RIMS2: variants seen among roughly 807,000 people sequenced by gnomAD.
RIMS2 encodes regulating synaptic membrane exocytosis 2.
A neutral mutation model predicts 174.4 loss-of-function variants in RIMS2; 59 were observed. The observed-to-expected ratio is 0.34, with a 90% confidence interval of 0.27 to 0.42. RIMS2 has a LOEUF of 0.42. Among genes scored for constraint, RIMS2 ranks in the 10% least tolerant of loss-of-function variants. RIMS2 has a pLI of 1.00. For synonymous variants in RIMS2, 606 were observed against 572.5 expected (o/e 1.06, Z -0.84); for missense variants, 1,620 against 1,666.3 (o/e 0.97, Z 0.48).
intron 1 of RIMS2, among the ~76,000 whole-genome samples, chr8:103,505,575 G>A (rs76615053): frequency 0.031 from 4,711 of 151,814 alleles, 220 homozygotes; most frequent in African/African-American, 0.11. Context: ...AAATATCTTC[G>A]TACATGCATT....
At chr8:103,579,012 G>A (rs990371705) in intron 1 of RIMS2, among the ~76,000 whole-genome samples, 4 of 151,686 alleles carry the variant, frequency 2.6e-5, no homozygotes, top group Non-Finnish European at 4.4e-5. Flanking sequence ...ATAGAATATT[G>A]TATTTAGCAA....
chr8:103,711,498 T>G (rs935271667), intron 2 of RIMS2, among the ~76,000 whole-genome samples: 4 of 152,176 alleles, frequency 2.6e-5, no homozygotes, highest in Non-Finnish European at 5.9e-5. Flanking sequence ...AAAGCCAGAT[T>G]TGATGGTTTA....
In RIMS2 at chr8:104,198,398, A is replaced by G. The variant is rs546723154; in HGVS notation, c.3335-46518A>G. Among the ~76,000 whole-genome samples, 3 of 152,330 alleles carry G rather than the reference A, an allele frequency of 2.0e-5. No homozygotes were observed. The East Asian group carries it at 5.8e-4, about 29-fold the overall frequency. On this transcript the variant is annotated intron_variant, in intron 19 of 23. Coordinates refer to ENST00000504942, the Ensembl canonical transcript of RIMS2. The stretch of plus-strand genomic sequence containing the variant: ...CAAAGTCTAGTTTTCAAGACATAAA[A>G]CAAGACAGAAGGAGAATCTTATTCT...
intron 19 of RIMS2, among the ~76,000 whole-genome samples, chr8:104,156,420 T>A (rs1025991611): frequency 2.0e-5 from 3 of 152,036 alleles, no homozygotes; most frequent in African/African-American, 4.8e-5. Flanking sequence ...CCTTAGAGAG[T>A]GCCCAGGAAA....
chr8:104,063,642 G>T (rs771604046), intron 19 of RIMS2, among the ~76,000 whole-genome samples: 74 of 152,242 alleles, frequency 4.9e-4, no homozygotes, highest in Non-Finnish European at 2.4e-4. Context: ...CCTGAAGTTT[G>T]GGGTTCTTTC....
intron 19 of RIMS2, among the ~76,000 whole-genome samples, chr8:104,033,636 G>A (rs1414405941): frequency 6.7e-6 from 1 of 150,206 alleles, no homozygotes; most frequent in African/African-American, 2.4e-5. Context: ...TTGTTTTGGC[G>A]ATTTTTTTTT....
chr8:103,919,377 A>T (rs889414512), intron 9 of RIMS2, among the ~76,000 whole-genome samples: 1 of 152,158 alleles, frequency 6.6e-6, no homozygotes, highest in Non-Finnish European at 1.5e-5. Context: ...GGTATGAATG[A>T]GGACAGAGGA....
intron 19 of RIMS2, among the ~76,000 whole-genome samples, chr8:104,099,913 G>A (rs575303888): frequency 6.6e-6 from 1 of 151,670 alleles, no homozygotes; most frequent in Non-Finnish European, 1.5e-5. Context: ...GTCTCCCCAG[G>A]CTCAGGTGAT....
At chr8:103,881,539 T>C (rs1054001349) in intron 3 of RIMS2, among the ~76,000 whole-genome samples, 6 of 151,562 alleles carry the variant, frequency 4.0e-5, no homozygotes, top group African/African-American at 1.4e-4. Flanking sequence ...TTTGGAGTTT[T>C]CCCATCAGTC....
chr8:103,804,593 G>T (rs2098637310), intron 3 of RIMS2, among the ~76,000 whole-genome samples: 2 of 152,160 alleles, frequency 1.3e-5, no homozygotes, highest in South Asian at 4.1e-4. Flanking sequence ...AAATGCAGTA[G>T]ATCCTTACTG....
chr8:103,531,943 G>C (rs1338211860), intron 1 of RIMS2, among the ~76,000 whole-genome samples: 1 of 152,130 alleles, frequency 6.6e-6, no homozygotes, highest in Non-Finnish European at 1.5e-5. Context: ...TAATTAGTTA[G>C]AAATGACACT....
intron 1 of RIMS2, among the ~76,000 whole-genome samples, chr8:103,513,650 G>C (rs1399344000): frequency 6.6e-6 from 1 of 152,102 alleles, no homozygotes; most frequent in African/African-American, 2.4e-5. Context: ...TTTTGGATTT[G>C]GGAATTGTGG....
chr8:103,906,883 C>T (rs1408596128), intron 4 of RIMS2, among the ~76,000 whole-genome samples: 1 of 152,114 alleles, frequency 6.6e-6, no homozygotes, highest in East Asian at 1.9e-4. Flanking sequence ...CAGGCATGGG[C>T]ATTAAGTATC....
intron 19 of RIMS2, among the ~76,000 whole-genome samples, chr8:104,092,129 A>G (rs2097670769): frequency 6.6e-6 from 1 of 151,794 alleles, no homozygotes. Context: ...TTTTGGGAGA[A>G]AACAATCAAC....
chr8:103,898,576 G>T (rs1265327611), intron 4 of RIMS2, among the ~76,000 whole-genome samples: 1 of 151,314 alleles, frequency 6.6e-6, no homozygotes, highest in Non-Finnish European at 1.5e-5. Context: ...TTTTTAGAGG[G>T]CAGACTGTTG....
intron 3 of RIMS2, among the ~76,000 whole-genome samples, chr8:103,796,829 C>T (rs1171632023): frequency 1.3e-5 from 2 of 152,090 alleles, no homozygotes; most frequent in Admixed American, 1.3e-4. Flanking sequence ...TAGGCCTGTG[C>T]ATTTGGCTGT....
chr8:103,738,318 T>C (rs1055072206), intron 2 of RIMS2, among the ~76,000 whole-genome samples: 42 of 152,186 alleles, frequency 2.8e-4, no homozygotes, highest in Non-Finnish European at 5.3e-4. Context: ...CTTCAAAAAC[T>C]GGCTAGCCAT....
At chr8:103,541,933 A>G (rs935815544) in intron 1 of RIMS2, among the ~76,000 whole-genome samples, 2 of 152,152 alleles carry the variant, frequency 1.3e-5, no homozygotes, top group Non-Finnish European at 2.9e-5. Context: ...ATGAAAACCT[A>G]TAGTAGATAT....
chr8:103,937,624 T>C (rs2081568712), intron 13 of RIMS2, among the ~76,000 whole-genome samples: 2 of 152,018 alleles, frequency 1.3e-5, no homozygotes, highest in Non-Finnish European at 2.9e-5. Context: ...GGAGGGCAGG[T>C]GGTCAAAGGA....
Sources: gnomAD v4.1 joint callset for allele counts (sites outside exome capture counted in the v4.1 genomes callset) on GRCh38, gnomAD v4.1.1 for gene constraint, MANE v1.5 for transcripts, NCBI Gene and HGNC (gene_info 2026-07-23, HGNC 2026-07-21) for gene names.